The following HIVEP3 variants were observed in gnomAD, a reference collection of about 807,000 sequenced individuals.
HIVEP3 encodes the protein HIVEP zinc finger 3, also known as transcription factor HIVEP3.
HIVEP3 carries 49 observed loss-of-function variants against 152.8 expected under a neutral mutation model. The observed-to-expected ratio is 0.32, with a 90% confidence interval of 0.26 to 0.41. The LOEUF (loss-of-function observed/expected upper bound fraction) is 0.41. HIVEP3 is among the 10% of genes least tolerant of loss of function. HIVEP3 has a pLI of 1.00. For missense variants in HIVEP3, 2,790 were observed against 3,103.3 expected (o/e 0.90, Z 2.40); for synonymous variants, 1,269 against 1,289.0 (o/e 0.98, Z 0.33).
intron 1 of HIVEP3, among the ~76,000 whole-genome samples, chr1:41,997,872 T>C (rs1352106706): frequency 1.3e-5 from 2 of 152,252 alleles, no homozygotes; most frequent in Admixed American, 6.5e-5. Flanking sequence ...GGCTAAATTG[T>C]AGGCTTTGTT....
chr1:41,513,249 T>TC lies in HIVEP3; in HGVS notation c.5971dup (p.Asp1991GlyfsTer173). ...CGGGGAGCATCGCTGGGGAGATGAG[T>TC]CGTTTTTGGTTAGCGAGTGTTTGCG... On this transcript the variant is annotated frameshift_variant, in exon 8 of 9. Transcript: ENST00000372583. LOFTEE classifies it high-confidence loss of function. 1 of 1,612,850 alleles carries TC rather than the reference T, an allele frequency of 6.2e-7. No homozygotes were observed. Among genetic ancestry groups the TC allele is most frequent in the Non-Finnish European group, 8.5e-7 (1 of 1,179,830 alleles).
intron 5 of HIVEP3, among the ~76,000 whole-genome samples, chr1:41,545,751 GCCA>G (rs1643784761): frequency 2.5e-5 from 1 of 39,976 alleles, no homozygotes; most frequent in East Asian, 7.6e-4. Context: ...CATCACCACT[GCCA>G]CCACCACCAC....
chr1:41,643,316 A>G (rs1187187902), intron 2 of HIVEP3, among the ~76,000 whole-genome samples: 1 of 152,192 alleles, frequency 6.6e-6, no homozygotes, highest in African/African-American at 2.4e-5. Flanking sequence ...TTGGTGTAAC[A>G]TCAATCACAC....
Position 41,580,200 on chromosome 1 carries a change from T to C in HIVEP3, c.4598A>G (p.Glu1533Gly). 1 of 1,612,214 alleles carries C rather than the reference T, an allele frequency of 6.2e-7. No individual in the cohort carries two copies. Among genetic ancestry groups the C allele is most frequent in the South Asian group, 1.1e-5 (1 of 90,804 alleles). ...AGGTTTGCCAGATGGCTGGGGATATTCCTTCAAAGCTTCTGAGCCTGGGGC... is the reference window on the plus strand; with the variant it reads ...AGGTTTGCCAGATGGCTGGGGATATCCCTTCAAAGCTTCTGAGCCTGGGGC... Reference protein sequence around the residue: ...GTAPGSEALKEYPQPSGKPHR... With the variant: ...GTAPGSEALKGYPQPSGKPHR... The change falls in exon 4 of 9, where the codon GAA becomes GGA. Residue 1533 changes from glutamate (E) to glycine (G), a missense_variant. This residue lies in a region of HIVEP3 where 1,078 missense variants were observed against 1,165.3 expected (regional missense o/e 0.93). Coordinates refer to ENST00000372583, the MANE Select transcript of HIVEP3 (RefSeq NM_024503.5).
At chr1:41,831,032 T>A (rs1408965276) in intron 1 of HIVEP3, among the ~76,000 whole-genome samples, 1 of 152,246 alleles carries the variant, frequency 6.6e-6, no homozygotes, top group Non-Finnish European at 1.5e-5. Context: ...TATGCAGTCA[T>A]CCACATCTGA....
chr1:41,776,618 T>A (rs1423614503), intron 1 of HIVEP3, among the ~76,000 whole-genome samples: 1 of 152,236 alleles, frequency 6.6e-6, no homozygotes, highest in Non-Finnish European at 1.5e-5. Flanking sequence ...CCCACTTCAC[T>A]TTACCTGGAT....
At chr1:41,654,361 C>G (rs189195903) in intron 2 of HIVEP3, among the ~76,000 whole-genome samples, 15 of 152,314 alleles carry the variant, frequency 9.8e-5, no homozygotes, top group Non-Finnish European at 1.8e-4. Flanking sequence ...TTAGGATGAC[C>G]AGTAACAGAG....
chr1:41,881,455 A>T (rs1644259990), intron 1 of HIVEP3, among the ~76,000 whole-genome samples: 1 of 152,210 alleles, frequency 6.6e-6, no homozygotes, highest in African/African-American at 2.4e-5. Flanking sequence ...CCTATTAGAA[A>T]ACCTTATTAT....
rs1644407724 is a variant in HIVEP3 at position 41,508,601 on chromosome 1, C to T, written c.*1850G>A. 6.6e-6 allele frequency: 1 copy of T among 152,456 alleles called. No homozygotes were observed. 9.4% of individuals were successfully genotyped at this position (152,456 alleles called of 1,614,324 possible). A position where few individuals can be genotyped will look rare whatever the true frequency, so the allele number is the denominator to read the frequency against. On this transcript the variant is annotated 3_prime_UTR_variant, in exon 9 of 9. Transcript: ENST00000372583. Reference sequence around the variant, plus strand: ...AAGGAGAATGAGTGAACAAGGTGGTCTGGCTGCAGGCTGGACTGTGGCTGG... The same window carrying T: ...AAGGAGAATGAGTGAACAAGGTGGTTTGGCTGCAGGCTGGACTGTGGCTGG...
intron 1 of HIVEP3, among the ~76,000 whole-genome samples, chr1:41,931,454 T>C (rs1294553627): frequency 6.6e-6 from 1 of 152,080 alleles, no homozygotes; most frequent in Non-Finnish European, 1.5e-5. Flanking sequence ...CACTGATTAT[T>C]GTATCTATCA....
intron 1 of HIVEP3, among the ~76,000 whole-genome samples, chr1:41,717,508 G>A (rs1424349848): frequency 6.6e-6 from 1 of 152,234 alleles, no homozygotes; most frequent in Admixed American, 6.5e-5. Context: ...GCTTCTCTAA[G>A]GAGATGAGGT....
At chr1:41,809,289 G>C (rs1305040155) in intron 1 of HIVEP3, among the ~76,000 whole-genome samples, 1 of 152,218 alleles carries the variant, frequency 6.6e-6, no homozygotes, top group Non-Finnish European at 1.5e-5. Flanking sequence ...GGCTCAGACA[G>C]CTTTTTATAT....
At chr1:41,538,280 C>T (rs1218317269) in intron 5 of HIVEP3, among the ~76,000 whole-genome samples, 1 of 152,006 alleles carries the variant, frequency 6.6e-6, no homozygotes, top group Non-Finnish European at 1.5e-5. Context: ...GCTATTGTGA[C>T]TGTAGAGAGC....
intron 1 of HIVEP3, among the ~76,000 whole-genome samples, chr1:41,751,990 A>G (rs944358837): frequency 6.6e-6 from 1 of 151,848 alleles, no homozygotes. Context: ...TTGTCTTCTC[A>G]CTCCACCTTC....
chr1:41,584,074 G>A lies in HIVEP3; in HGVS notation c.724C>T (p.His242Tyr). The A allele has an allele frequency of 6.2e-7, 1 of 1,614,190 alleles. No homozygotes were observed. Among genetic ancestry groups the A allele is most frequent in the South Asian group, 1.1e-5 (1 of 91,080 alleles). Reference sequence around the variant, plus strand: ...AGGCCTGCTTTGATGCGGTGGGCATGGGACTTCCTGTGCTTGTAGAGATTA... The same window carrying A: ...AGGCCTGCTTTGATGCGGTGGGCATAGGACTTCCTGTGCTTGTAGAGATTA... ...KSNLYKHRKS[H>Y]AHRIKAGLAS... The change falls in exon 4 of 9, where the codon CAT (histidine) becomes TAT (tyrosine). Residue 242 changes from histidine (H) to tyrosine (Y), a missense_variant. Transcript: ENST00000372583. The surrounding 1 kb of genome is among the most constrained non-coding windows in gnomAD (Gnocchi z 5.2).
chr1:41,900,432 A>G (rs1228686583), intron 1 of HIVEP3, among the ~76,000 whole-genome samples: 3 of 152,204 alleles, frequency 2.0e-5, no homozygotes, highest in East Asian at 3.8e-4. Flanking sequence ...AGTATTTTGC[A>G]TCAACAGGTT....
At chr1:41,732,229 C>A (rs544544919) in intron 1 of HIVEP3, among the ~76,000 whole-genome samples, 1 of 152,300 alleles carries the variant, frequency 6.6e-6, no homozygotes, top group African/African-American at 2.4e-5. Context: ...GAGGCGGGTT[C>A]TCCAGTGGCT....
At chr1:41,868,056 G>A (rs1570702244) in intron 1 of HIVEP3, among the ~76,000 whole-genome samples, 1 of 151,892 alleles carries the variant, frequency 6.6e-6, no homozygotes, top group Non-Finnish European at 1.5e-5. Context: ...AGCCCCAACT[G>A]GCCCGCATGG....
At chr1:41,639,526 C>T (rs1419994045) in intron 2 of HIVEP3, among the ~76,000 whole-genome samples, 1 of 152,208 alleles carries the variant, frequency 6.6e-6, no homozygotes, top group Non-Finnish European at 1.5e-5. Flanking sequence ...ACAAAAGGCA[C>T]TCAATAAATG....
Sources: allele counts gnomAD v4.1 joint callset (sites outside exome capture counted in the v4.1 genomes callset), GRCh38; gene constraint gnomAD v4.1.1; regional missense constraint gnomAD v4.1.1; non-coding constraint Gnocchi (gnomAD v3.1); transcripts MANE v1.5; gene names NCBI Gene and HGNC (gene_info 2026-07-23, HGNC 2026-07-21).